FAT1: variants seen among roughly 807,000 people sequenced by gnomAD.
FAT1 encodes the protein protocadherin Fat 1.
FAT1 carries 171 observed loss-of-function variants against 329.8 expected under a neutral mutation model. That is an observed-to-expected ratio of 0.52 (90% CI 0.46 to 0.59). The LOEUF (loss-of-function observed/expected upper bound fraction) is 0.59. Ranked by LOEUF, FAT1 falls within the 20% of genes least tolerant of loss-of-function variation. The pLI is 0.00. For missense variants in FAT1, 5,672 were observed against 5,774.4 expected, an observed-to-expected ratio of 0.98 and a Z score of 0.57; for synonymous variants, 2,233 against 2,228.6, an observed-to-expected ratio of 1.00 and a Z score of -0.06.
At chr4:186,662,259 T>C (rs1012191874) in intron 3 of FAT1, among the ~76,000 whole-genome samples, 7 of 152,214 alleles carry the variant, frequency 4.6e-5, no homozygotes, top group Non-Finnish European at 8.8e-5. Context: ...CTCTGACTTT[T>C]CTCTTATGTT....
At chr4:186,703,520 C>T (rs972713760) in intron 2 of FAT1, among the ~76,000 whole-genome samples, 10 of 152,218 alleles carry the variant, frequency 6.6e-5, no homozygotes, top group African/African-American at 2.4e-4. Context: ...TTATAATACT[C>T]AACCAACACT....
intron 2 of FAT1, among the ~76,000 whole-genome samples, chr4:186,675,638 C>T (rs1264382574): frequency 2.6e-5 from 4 of 151,844 alleles, no homozygotes; most frequent in East Asian, 1.9e-4. Flanking sequence ...CATGGTGGCA[C>T]ACACCTGTAG....
intron 9 of FAT1, 42 bp from the exon 10 acceptor site, chr4:186,621,817 G>A (rs1740064587): frequency 7.9e-7 from 1 of 1,262,388 alleles, no homozygotes; most frequent in Non-Finnish European, 1.1e-6. Flanking sequence ...AAAAACACAA[G>A]GGGCAGTAGT....
chr4:186,656,171 G>A (rs1741895965), intron 3 of FAT1, among the ~76,000 whole-genome samples: 1 of 152,206 alleles, frequency 6.6e-6, no homozygotes, highest in Non-Finnish European at 1.5e-5. Flanking sequence ...AAAGGCTCTG[G>A]GGCATAGCTG....
chr4:186,645,497 A>C (rs1170503402), intron 3 of FAT1, among the ~76,000 whole-genome samples: 1 of 148,706 alleles, frequency 6.7e-6, no homozygotes, highest in Non-Finnish European at 1.5e-5. Context: ...ATATGTGAAG[A>C]TATCTCCATT....
rs766181613 is a variant in FAT1 at position 186,617,166 on chromosome 4, T to C, written c.8914A>G (p.Ile2972Val). 1.7e-4 allele frequency: 278 copies of C among 1,612,306 alleles called. 2 individuals are homozygous for C. In the Admixed American group the frequency reaches 3.5e-3, roughly 20 times the overall value. ...DPLGQFAVET[I>V]QNEWKVYVKK... is the part of the protein sequence containing the mutation. ...ACATATACCTTCCATTCATTCTGTA[T>C]AGTTTCAACGGCAAACTGTCCTAAA... Residue 2972 changes from isoleucine to valine, a missense_variant, in exon 11 of 27, where the codon ATA (isoleucine) becomes GTA (valine). Ile to Val is a conservative substitution (Grantham distance 29, BLOSUM62 3). This residue lies in a region of FAT1 where 3,966 missense variants were observed against 3,915.2 expected (regional missense o/e 1.01). Coordinates refer to ENST00000441802, the MANE Select transcript of FAT1 (RefSeq NM_005245.4).
Position 186,616,995 on chromosome 4 carries a change from AGCT to A in FAT1, c.9075+7_9075+9del. On this transcript the variant is annotated splice_region_variant and intron_variant, in intron 11 of 26. Transcript: ENST00000441802. The stretch of plus-strand genomic sequence containing the variant: ...TCATAACACACAAATGTAAGGGAAG[AGCT>A]GCTTACCTTTTCACAAACTGGACTG... 5 of 1,604,046 alleles carry A rather than the reference AGCT, an allele frequency of 3.1e-6. No individual in the cohort carries two copies. Among genetic ancestry groups the A allele is most frequent in the Non-Finnish European group, 4.3e-6 (5 of 1,174,624 alleles).
At position 186,613,252 on chromosome 4, in the gene FAT1, C is replaced by A. The variant is rs1409118179; in HGVS notation, c.9320G>T (p.Cys3107Phe). ...VRATDGGGRF[C>F]QASIVLTLED... ...TAGCGTGAGCACAATACTGGCTTGG[C>A]AGAATCTTCCTCCTCCATCTGTGGC... Residue 3107 changes from cysteine (C) to phenylalanine (F), a missense_variant, in exon 13 of 27, where the codon TGC becomes TTC. Physicochemically the swap from Cys to Phe is radical, Grantham distance 205. Around this residue, in one of 2 missense-constraint regions of FAT1, gnomAD observed 3,966 missense variants for 3,915.2 expected, o/e 1.01. Coordinates refer to ENST00000441802, the MANE Select transcript of FAT1 (RefSeq NM_005245.4). 1.7e-5 allele frequency: 28 copies of A among 1,613,852 alleles called. No individual in the cohort carries two copies. The highest frequency in any genetic ancestry group is 3.3e-5 in the Admixed American group (2 of 60,010).
At position 186,597,013 on chromosome 4, in the gene FAT1, T is replaced by A. The variant is rs774694931; in HGVS notation, c.12527A>T (p.Asn4176Ile). 1.9e-6 allele frequency: 3 copies of A among 1,613,984 alleles called. No homozygotes were observed. In the Admixed American group the frequency reaches 5.0e-5, roughly 27 times the overall value. ...APNQYVSTPW[N>I]IGLAEGIGIV... ...TCCAATTCCTTCCGCCAACCCAATG[T>A]TCCACGGCGTGGACACATACTGGTT... Residue 4176 changes from asparagine (N) to isoleucine (I), a missense_variant, in exon 25 of 27, where the codon AAC becomes ATC. Physicochemically the swap from Asn to Ile is moderately radical, Grantham distance 149 (BLOSUM62 -3). This residue lies in a region of FAT1 where 1,706 missense variants were observed against 1,859.1 expected (regional missense o/e 0.92). Coordinates refer to ENST00000441802, the MANE Select transcript of FAT1 (RefSeq NM_005245.4).
At chr4:186,609,416 T>C in intron 15 of FAT1, 96 bp from the exon 16 acceptor site, 2 of 1,418,240 alleles carry the variant, frequency 1.4e-6, no homozygotes, top group Non-Finnish European at 9.4e-7. Flanking sequence ...CTGTTTCTTT[T>C]TGTTGTTGTT....
At chr4:186,636,256 GGA>G in intron 5 of FAT1, 21 bp from the exon 6 acceptor site, 1 of 1,608,666 alleles carries the variant, frequency 6.2e-7, no homozygotes, top group Non-Finnish European at 8.5e-7. Flanking sequence ...TGGGCAGAGG[GGA>G]TTAAAAACAG....
chr4:186,671,711 A>T (rs1297033409), intron 2 of FAT1, among the ~76,000 whole-genome samples: 4 of 148,398 alleles, frequency 2.7e-5, no homozygotes, highest in Admixed American at 6.8e-5. Flanking sequence ...AAAAAAATAA[A>T]AATAAAAATA....
At position 186,597,053 on chromosome 4, in the gene FAT1, C is replaced by T. The variant is rs1738563179; in HGVS notation, c.12487G>A (p.Glu4163Lys). ...ACATACTGGTTGGGCGCAGCATCCT[C>T]GCAGTGACGTCCCCTGTACTCGTGG... ...CSHEYRGRHC[E>K]DAAPNQYVST... is the part of the protein sequence containing the mutation. The change falls in exon 25 of 27, where the codon GAG becomes AAG. Residue 4163 changes from glutamate (E) to lysine (K), a missense_variant. Glu to Lys is a moderately conservative substitution (Grantham distance 56). This residue lies in a region of FAT1 where 1,706 missense variants were observed against 1,859.1 expected (regional missense o/e 0.92). Coordinates refer to ENST00000441802, the MANE Select transcript of FAT1 (RefSeq NM_005245.4). The T allele has an allele frequency of 1.9e-6, 3 of 1,613,894 alleles. No homozygotes were observed. Among genetic ancestry groups the T allele is most frequent in the African/African-American group, 1.3e-5 (1 of 74,930 alleles).
chr4:186,675,100 G>A (rs183776345), intron 2 of FAT1, among the ~76,000 whole-genome samples: 14 of 152,220 alleles, frequency 9.2e-5, no homozygotes, highest in African/African-American at 3.4e-4. Context: ...GGTGTAAGTA[G>A]GTATATGGCA....
intron 12 of FAT1, among the ~76,000 whole-genome samples, chr4:186,613,989 T>C (rs1739584663): frequency 6.6e-6 from 1 of 152,222 alleles, no homozygotes; most frequent in Non-Finnish European, 1.5e-5. Context: ...GGTGATATTC[T>C]TGCTGTTTTT....
At chr4:186,631,697 A>G (rs1740603777) in intron 7 of FAT1, among the ~76,000 whole-genome samples, 1 of 150,320 alleles carries the variant, frequency 6.7e-6, no homozygotes, top group Non-Finnish European at 1.5e-5. Flanking sequence ...TCTTCAATCC[A>G]TCCCCGCGGT....
intron 2 of FAT1, among the ~76,000 whole-genome samples, chr4:186,684,997 G>C (rs980210391): frequency 6.6e-6 from 1 of 152,190 alleles, no homozygotes; most frequent in Non-Finnish European, 1.5e-5. Context: ...AAGAAAGTCA[G>C]CCAGTGCCCT....
intron 26 of FAT1, among the ~76,000 whole-genome samples, chr4:186,592,272 C>G (rs555124029): frequency 6.6e-6 from 1 of 152,134 alleles, no homozygotes; most frequent in African/African-American, 2.4e-5. Flanking sequence ...TGCTCTACAC[C>G]CTTTTCTTTG....
rs528102787 is a variant in FAT1 at position 186,605,185 on chromosome 4, T to C, written c.10351-611A>G. Among the ~76,000 whole-genome samples the C allele has an allele frequency of 7.5e-5, 10 of 133,476 alleles. No homozygotes were observed. In the East Asian group the frequency reaches 1.8e-3, roughly 24 times the overall value. The allele number at this position is 133,476 out of a possible 152,430, so 87.6% of individuals were successfully genotyped here. On this transcript the variant is annotated intron_variant, in intron 17 of 26. Coordinates refer to ENST00000441802, the MANE Select transcript of FAT1 (RefSeq NM_005245.4). ...GAGCTGAGATCGTGCCATTGCACTCTAGCCTGGGCAATGAGTGTAACTCCA... is the reference window on the plus strand; with the variant it reads ...GAGCTGAGATCGTGCCATTGCACTCCAGCCTGGGCAATGAGTGTAACTCCA...
Sources: gnomAD v4.1 joint callset for allele counts (sites outside exome capture counted in the v4.1 genomes callset) on GRCh38, gnomAD v4.1.1 for gene constraint, gnomAD v4.1.1 regional missense constraint, MANE v1.5 for transcripts, NCBI Gene and HGNC (gene_info 2026-07-23, HGNC 2026-07-21) for gene names.